Variants in GLRA2 observed in about 807,000 individuals in gnomAD.
GLRA2 encodes the protein glycine receptor alpha 2.
In GLRA2, 11 loss-of-function variants were observed where a neutral mutation model predicts 31.6. The ratio of observed to expected loss-of-function variants is 0.35; its 90% CI spans 0.22 to 0.58. The LOEUF is 0.58. Among genes scored for constraint, GLRA2 ranks in the 20% least tolerant of loss-of-function variants. The pLI, the probability that GLRA2 is intolerant of heterozygous loss-of-function variation, is 0.84. For synonymous variants in GLRA2, 132 were observed against 134.0 expected, an observed-to-expected ratio of 0.99 and a Z score of 0.10; for missense variants, 212 against 351.8, an observed-to-expected ratio of 0.60 and a Z score of 3.18.
chrX:14,509,158 T>C, the GLRA2 span, among the ~76,000 whole-genome samples: 1 of 112,430 alleles, frequency 8.9e-6, no homozygotes, highest in East Asian at 2.8e-4. Context: ...TGTTCTGGCT[T>C]TGTCTTAAAT....
intron 2 of GLRA2, among the ~76,000 whole-genome samples, chrX:14,533,720 G>T (rs2089287411): frequency 9.0e-6 from 1 of 110,803 alleles, no homozygotes; most frequent in East Asian, 2.8e-4. Flanking sequence ...ACTAACTGTT[G>T]GGTGCTTTGT....
intron 2 of GLRA2, among the ~76,000 whole-genome samples, chrX:14,565,084 T>G (rs929822450): frequency 7.2e-5 from 8 of 111,165 alleles, no homozygotes; most frequent in Non-Finnish European, 1.1e-4. Context: ...CTATGAGATA[T>G]TCAAAAAACA....
chrX:14,707,875 C>T (rs1049264960), intron 8 of GLRA2, among the ~76,000 whole-genome samples: 8 of 110,233 alleles, frequency 7.3e-5, no homozygotes, highest in African/African-American at 1.3e-4. Flanking sequence ...TTAAGGTATA[C>T]GACTTGATGA....
chrX:14,621,538 G>C (rs1041671089), intron 7 of GLRA2, among the ~76,000 whole-genome samples: 1 of 107,982 alleles, frequency 9.3e-6, no homozygotes, highest in Non-Finnish European at 1.9e-5. Context: ...GACAGGCCCC[G>C]GTGTGTGATG....
At chrX:14,543,217 G>A (rs2089429851) in intron 2 of GLRA2, among the ~76,000 whole-genome samples, 1 of 84,619 alleles carries the variant, frequency 1.2e-5, no homozygotes, top group Non-Finnish European at 2.2e-5. Flanking sequence ...ACCTCTTTGG[G>A]AGTCACTCTT....
intron 2 of GLRA2, among the ~76,000 whole-genome samples, chrX:14,569,342 A>T (rs2089853209): frequency 8.9e-6 from 1 of 112,544 alleles, no homozygotes; most frequent in Non-Finnish European, 1.9e-5. Flanking sequence ...GTGAAAAAAC[A>T]ATAAAGAAAA....
intron 3 of GLRA2, among the ~76,000 whole-genome samples, chrX:14,575,440 T>A (rs1012918738): frequency 1.9e-4 from 21 of 110,678 alleles, no homozygotes; most frequent in African/African-American, 6.3e-4. Flanking sequence ...CCTCAGGTGA[T>A]CCACCTGCCT....
chrX:14,456,280 G>A, the GLRA2 span, among the ~76,000 whole-genome samples: 1 of 111,092 alleles, frequency 9.0e-6, no homozygotes, highest in African/African-American at 3.3e-5. Flanking sequence ...AGTGATGTTT[G>A]GATACATGTC....
chrX:14,476,621 T>G, the GLRA2 span, among the ~76,000 whole-genome samples: 13 of 111,920 alleles, frequency 1.2e-4, no homozygotes, highest in Non-Finnish European at 2.4e-4. Flanking sequence ...GGTCTCAACC[T>G]GACTCTACTG....
At chrX:14,695,927 C>T (rs970444729) in intron 8 of GLRA2, among the ~76,000 whole-genome samples, 12 of 110,565 alleles carry the variant, frequency 1.1e-4, no homozygotes, top group African/African-American at 4.0e-4. Context: ...AGTGGGAGTG[C>T]CCATATGAGA....
At chrX:14,470,011 TAA>T in the GLRA2 span, among the ~76,000 whole-genome samples, 144 of 111,483 alleles carry the variant, frequency 1.3e-3, no homozygotes, top group Non-Finnish European at 2.3e-3. Context: ...TTGCAATGAT[TAA>T]GAGAGTCACA....
chrX:14,730,198 T>C lies in GLRA2; in HGVS notation c.1081-9T>C. 8.4e-7 allele frequency: 1 copy of C among 1,189,169 alleles called. No homozygotes were observed. Among genetic ancestry groups the C allele is most frequent in the Middle Eastern group, 2.3e-4 (1 of 4,290 alleles). On this transcript the variant is annotated splice_polypyrimidine_tract_variant and intron_variant, in intron 8 of 8. Transcript: ENST00000218075. ...CCAATCTGTGCTTCCTCTGTCTTTA[T>C]TCCGTCAGGAAGAAGACGTTACTCG...
At chrX:14,532,461 T>C (rs1192895304) in intron 2 of GLRA2, 89 bp downstream of exon 2, 1 of 553,132 alleles carries the variant, frequency 1.8e-6, no homozygotes, top group Non-Finnish European at 2.7e-6. Flanking sequence ...GGGCTTTTAA[T>C]TATAAAATGA....
chrX:14,679,315 T>TATAG (rs754108611), intron 7 of GLRA2, among the ~76,000 whole-genome samples: 1 of 110,194 alleles, frequency 9.1e-6, no homozygotes, highest in East Asian at 2.9e-4. Context: ...AACCAACCTA[T>TATAG]ATAGAGGTGA....
chrX:14,515,519 C>T, the GLRA2 span, among the ~76,000 whole-genome samples: 1 of 111,088 alleles, frequency 9.0e-6, no homozygotes, highest in Non-Finnish European at 1.9e-5. Flanking sequence ...TCTTTCTATC[C>T]CCGGTGTTTC....
At chrX:14,596,633 C>G (rs756873259) in intron 4 of GLRA2, among the ~76,000 whole-genome samples, 1 of 105,833 alleles carries the variant, frequency 9.4e-6, no homozygotes, top group Non-Finnish European at 2.0e-5. Context: ...GGTGACAGAG[C>G]GAGACTCTGT....
At chrX:14,481,667 T>C in the GLRA2 span, among the ~76,000 whole-genome samples, 1 of 111,968 alleles carries the variant, frequency 8.9e-6, no homozygotes, top group Non-Finnish European at 1.9e-5. Flanking sequence ...AAGCCAATTA[T>C]ATGTTTATCT....
intron 7 of GLRA2, among the ~76,000 whole-genome samples, chrX:14,626,087 C>T (rs1479841585): frequency 1.8e-5 from 2 of 112,075 alleles, no homozygotes; most frequent in Non-Finnish European, 3.8e-5. Context: ...TTGTGCTAAA[C>T]GCTTTACATA....
At chrX:14,591,460 A>G (rs2090144937) in intron 4 of GLRA2, among the ~76,000 whole-genome samples, 1 of 111,659 alleles carries the variant, frequency 9.0e-6, no homozygotes, top group Non-Finnish European at 1.9e-5. Flanking sequence ...TTGGAGTCTG[A>G]TGTTCGAAGG....
Sources: allele counts gnomAD v4.1 joint callset (sites outside exome capture counted in the v4.1 genomes callset), GRCh38; gene constraint gnomAD v4.1.1; transcripts MANE v1.5; gene names NCBI Gene and HGNC (gene_info 2026-07-23, HGNC 2026-07-21).